DST: variants seen among roughly 807,000 people sequenced by gnomAD.
DST encodes the protein bullous pemphigoid antigen.
A neutral mutation model predicts 875.2 loss-of-function variants in DST; 253 were observed. The ratio of observed to expected loss-of-function variants is 0.29; its 90% CI spans 0.26 to 0.32. DST has a LOEUF of 0.32. Among genes scored for constraint, DST ranks in the 10% least tolerant of loss-of-function variants. DST has a pLI of 1.00. For missense variants in DST, 8,287 were observed against 9,111.6 expected, an observed-to-expected ratio of 0.91 and a Z score of 3.68; for synonymous variants, 3,124 against 3,197.1, an observed-to-expected ratio of 0.98 and a Z score of 0.77.
chr6:56,938,108 C>CTCTCTCTCTCTCTATA (rs1383243392), intron 2 of DST, among the ~76,000 whole-genome samples: 45 of 120,744 alleles, frequency 3.7e-4, no homozygotes, highest in African/African-American at 1.4e-3. Context: ...CTCTCTCTCT[C>CTCTCTCTCTCTCTATA]TATATATATA....
intron 4 of DST, among the ~76,000 whole-genome samples, chr6:56,848,032 T>C (rs2099809089): frequency 6.6e-6 from 1 of 152,248 alleles, no homozygotes; most frequent in African/African-American, 2.4e-5. Context: ...ATTGGTAATA[T>C]TTCAAGTCCT....
At position 56,603,337 on chromosome 6, in the gene DST, G is replaced by A; in HGVS notation, c.11025C>T (p.Pro3675=). ...CAACATGGCCTCTGGGAAAGTCACT[G>A]GGAAGAGACTTTAAAAACTCTTCTG... ...KLAEEFLKSL[P]SDFPRGHVEE... is the part of the protein sequence containing the mutation. Residue 3675 remains proline, a synonymous_variant, in exon 42 of 104, where the codon CCC becomes CCT. Coordinates refer to ENST00000680361, the MANE Select transcript of DST (RefSeq NM_001374736.1). 6.2e-7 allele frequency: 1 copy of A among 1,611,006 alleles called. No homozygotes were observed. Among genetic ancestry groups the A allele is most frequent in the Non-Finnish European group, 8.5e-7 (1 of 1,178,944 alleles).
chr6:56,729,518 A>G (rs2099487575), intron 5 of DST, among the ~76,000 whole-genome samples: 1 of 151,372 alleles, frequency 6.6e-6, no homozygotes, highest in South Asian at 2.1e-4. Flanking sequence ...TGAACCCAGG[A>G]GGCGGAGATT....
At chr6:56,921,323 T>C (rs1444109697) in intron 2 of DST, among the ~76,000 whole-genome samples, 9 of 152,192 alleles carry the variant, frequency 5.9e-5, no homozygotes, top group Non-Finnish European at 1.5e-5. Context: ...AGTTCTGTAA[T>C]CATTTGTTAA....
intron 10 of DST, among the ~76,000 whole-genome samples, chr6:56,655,741 C>CG (rs1334252643): frequency 1.3e-5 from 2 of 152,166 alleles, no homozygotes; most frequent in African/African-American, 4.8e-5. Flanking sequence ...ACCTCACCCC[C>CG]GTACATGACA....
chr6:56,607,853 C>T lies in DST; in HGVS notation c.6775G>A (p.Val2259Ile), dbSNP rs79468957. ...ECLDVLSSSG[V>I]FLNNASGREK... ...CTACCTGAAGCATTATTAAGAAATA[C>T]ACCAGATGAGCTTAAGACATCGAGA... The change falls in exon 40 of 104, where the codon GTA becomes ATA. Residue 2259 changes from valine (V) to isoleucine (I), a missense_variant. Physicochemically the swap from Val to Ile is conservative, Grantham distance 29. Coordinates refer to ENST00000680361, the MANE Select transcript of DST (RefSeq NM_001374736.1). 6,248 of 1,613,528 alleles carry T rather than the reference C, an allele frequency of 3.9e-3. 202 individuals are homozygous for T. The African/African-American group carries it at 0.072, about 19-fold the overall frequency.
chr6:56,871,607 C>A, intron 3 of DST: 1 of 777,500 alleles, frequency 1.3e-6, no homozygotes, highest in South Asian at 1.3e-5. Context: ...TTAACCCATA[C>A]ATGAGCTCTC....
chr6:56,690,999 G>A (rs982642821), intron 9 of DST, among the ~76,000 whole-genome samples: 1 of 152,132 alleles, frequency 6.6e-6, no homozygotes, highest in African/African-American at 2.4e-5. Flanking sequence ...CCTAGAAGAC[G>A]TCAGGCTTTA....
chr6:56,616,511 A>G, intron 36 of DST: 6 of 1,614,214 alleles, frequency 3.7e-6, no homozygotes, highest in Non-Finnish European at 5.1e-6. Context: ...TGGAAACAGA[A>G]AGCATTGGGA....
At chr6:56,519,237 G>T (rs1175031594) in intron 69 of DST, among the ~76,000 whole-genome samples, 1 of 152,128 alleles carries the variant, frequency 6.6e-6, no homozygotes, top group African/African-American at 2.4e-5. Context: ...TCTAGCCAAA[G>T]AACCAGGAAA....
intron 27 of DST, among the ~76,000 whole-genome samples, chr6:56,633,376 G>A (rs1273671204): frequency 2.0e-5 from 3 of 150,448 alleles, no homozygotes; most frequent in Non-Finnish European, 4.4e-5. Context: ...ACAGGCGCCT[G>A]CCACTACGCC....
At chr6:56,471,514 C>G (rs1355254275) in intron 94 of DST, among the ~76,000 whole-genome samples, 2 of 152,026 alleles carry the variant, frequency 1.3e-5, no homozygotes, top group Non-Finnish European at 2.9e-5. Context: ...TGATTAATGC[C>G]AAAGTCATAA....
chr6:56,559,450 T>G (rs1189918697), intron 58 of DST, among the ~76,000 whole-genome samples: 1 of 152,262 alleles, frequency 6.6e-6, no homozygotes, highest in South Asian at 2.1e-4. Context: ...TAGAGATTTC[T>G]ACATTTATCA....
In DST at chr6:56,603,438, C is replaced by T. The variant is rs765604418; in HGVS notation, c.10942-18G>A. 1.9e-6 allele frequency: 3 copies of T among 1,605,832 alleles called. No homozygotes were observed. In the South Asian group the frequency reaches 3.3e-5, roughly 18 times the overall value. On this transcript the variant is annotated intron_variant, in intron 41 of 103. Transcript: ENST00000680361. ...TCAAATGTCTGCAAAGAAATATATC[C>T]CGGACCTATTTACTATTTAGTGAAA...
intron 36 of DST, chr6:56,618,624 CAAGTTCTTTAATGTTTGTTTCACA>C: frequency 6.2e-7 from 1 of 1,614,124 alleles, no homozygotes; most frequent in South Asian, 1.1e-5. Flanking sequence ...AGCTGTCTTT[CAAGTTCTTTAATGTTTGTTTCACA>C]AAGCTTAGCA....
chr6:56,897,284 G>T (rs891103678), intron 3 of DST, among the ~76,000 whole-genome samples: 2 of 138,674 alleles, frequency 1.4e-5, no homozygotes, highest in African/African-American at 5.5e-5. Context: ...TCTTGGCAAA[G>T]AATACTAAGT....
intron 99 of DST, among the ~76,000 whole-genome samples, chr6:56,465,330 C>A (rs2094527255): frequency 6.6e-6 from 1 of 152,064 alleles, no homozygotes; most frequent in South Asian, 2.1e-4. Flanking sequence ...ACAGTGAGCT[C>A]ACAGGTAAAA....
chr6:56,591,132 C>G (rs765331674), intron 49 of DST, among the ~76,000 whole-genome samples: 1 of 152,192 alleles, frequency 6.6e-6, no homozygotes, highest in Non-Finnish European at 1.5e-5. Context: ...AACTTTTAAA[C>G]TCAAAATTAT....
chr6:56,796,792 GAGGA>G, intron 4 of DST, among the ~76,000 whole-genome samples: 1 of 151,884 alleles, frequency 6.6e-6, no homozygotes, highest in Admixed American at 6.6e-5. Flanking sequence ...GAGAAGGAAG[GAGGA>G]AGGAAGGAAG....
Sources: allele counts gnomAD v4.1 joint callset (sites outside exome capture counted in the v4.1 genomes callset), GRCh38; gene constraint gnomAD v4.1.1; transcripts MANE v1.5; gene names NCBI Gene and HGNC (gene_info 2026-07-23, HGNC 2026-07-21).